The following SHC3 variants were observed in gnomAD, a reference collection of about 807,000 sequenced individuals.
The protein encoded by SHC3 is SHC adaptor protein 3, also known as SHC-transforming protein 3.
In SHC3, 15 loss-of-function variants were observed where a neutral mutation model predicts 60.4. That is an observed-to-expected ratio of 0.25 (90% CI 0.17 to 0.38). The LOEUF (loss-of-function observed/expected upper bound fraction) is 0.38, where lower values mean the gene tolerates loss of function less well. Among genes scored for constraint, SHC3 ranks in the 10% least tolerant of loss-of-function variants. The pLI, the probability that SHC3 is intolerant of heterozygous loss-of-function variation, is 1.00. For synonymous variants in SHC3, 294 were observed against 325.9 expected (o/e 0.90, Z 1.05); for missense variants, 677 against 786.1 (o/e 0.86, Z 1.66).
At chr9:89,045,224 G>A (rs1214782538) in intron 9 of SHC3, among the ~76,000 whole-genome samples, 1 of 151,836 alleles carries the variant, frequency 6.6e-6, no homozygotes, top group African/African-American at 2.4e-5. Context: ...AATGGTCCTG[G>A]AGCTGCAGGG....
At chr9:89,128,371 G>A (rs1027376627) in intron 1 of SHC3, among the ~76,000 whole-genome samples, 3 of 152,086 alleles carry the variant, frequency 2.0e-5, no homozygotes, top group Admixed American at 6.6e-5. Context: ...AGACCTAAAC[G>A]TCCCTGTCTG....
intron 2 of SHC3, among the ~76,000 whole-genome samples, chr9:89,096,150 G>T (rs556495140): frequency 6.6e-6 from 1 of 152,194 alleles, no homozygotes. Context: ...CGTTGAATAC[G>T]CATGAGAGAG....
intron 11 of SHC3, chr9:89,037,513 T>C (rs1350902039): frequency 2.8e-6 from 2 of 716,734 alleles, no homozygotes; most frequent in Admixed American, 2.0e-5. Flanking sequence ...CCAACATCAG[T>C]AGGAGTTACT....
Position 89,005,949 on chromosome 9 carries a change from G to A in SHC3, c.*7498C>T, listed in dbSNP as rs1680590905. The A allele has an allele frequency of 6.6e-6, 1 of 152,202 alleles. No homozygotes were observed. Among genetic ancestry groups the A allele is most frequent in the African/African-American group, 2.4e-5 (1 of 41,436 alleles). The allele number at this position is 152,202 out of a possible 1,614,324, so 9.4% of individuals were successfully genotyped here. ...TAGAAAACATCTAATTAAATCACCAGTTTCATGCTTTTAAGTTGTATCTAC... is the reference window on the plus strand; with the variant it reads ...TAGAAAACATCTAATTAAATCACCAATTTCATGCTTTTAAGTTGTATCTAC... On this transcript the variant is annotated 3_prime_UTR_variant, in exon 12 of 12. Transcript: ENST00000375835.
Position 89,046,932 on chromosome 9 carries a change from T to C in SHC3, c.1025A>G (p.Tyr342Cys). The C allele has an allele frequency of 6.2e-7, 1 of 1,611,662 alleles. No individual in the cohort carries two copies. The highest frequency in any genetic ancestry group is 8.5e-7 in the Non-Finnish European group (1 of 1,179,002). Residue 342 changes from tyrosine to cysteine, a missense_variant, in exon 8 of 12, where the codon TAC becomes TGC. Physicochemically the swap from Tyr to Cys is radical, Grantham distance 194. Coordinates refer to ENST00000375835, the MANE Select transcript of SHC3 (RefSeq NM_016848.6). ...AGGCATCTTGCTTGGGATGCTGTTG[T>C]AGTATGGGTGGTCTGAGCCATCTCC... ...EEGDGSDHPYYNSIPSKMPPP... is the reference protein window; with the variant it reads ...EEGDGSDHPYCNSIPSKMPPP...
At chr9:89,147,358 C>A (rs1304938628) in intron 1 of SHC3, among the ~76,000 whole-genome samples, 1 of 152,146 alleles carries the variant, frequency 6.6e-6, no homozygotes, top group Non-Finnish European at 1.5e-5. Flanking sequence ...AAATAACCAG[C>A]CTGGCTTCAC....
intron 6 of SHC3, among the ~76,000 whole-genome samples, chr9:89,064,513 G>T (rs1825144244): frequency 6.6e-6 from 1 of 152,152 alleles, no homozygotes; most frequent in East Asian, 1.9e-4. Context: ...TCAGGATCTG[G>T]ACCTAAGCCT....
chr9:89,094,774 C>T (rs1024306130), intron 2 of SHC3, among the ~76,000 whole-genome samples: 2 of 152,066 alleles, frequency 1.3e-5, no homozygotes, highest in Non-Finnish European at 2.9e-5. Context: ...ATTACAGTCA[C>T]GAGCAAACAC....
intron 1 of SHC3, among the ~76,000 whole-genome samples, chr9:89,114,865 T>A (rs1825999675): frequency 6.6e-6 from 1 of 152,140 alleles, no homozygotes; most frequent in South Asian, 2.1e-4. Flanking sequence ...TGCAGTTATG[T>A]GAATATAATC....
intron 6 of SHC3, among the ~76,000 whole-genome samples, chr9:89,054,871 GA>G (rs1384312445): frequency 6.6e-6 from 1 of 152,200 alleles, no homozygotes; most frequent in African/African-American, 2.4e-5. Context: ...ATCCTTTGCT[GA>G]CACTGGTTTC....
chr9:89,052,675 C>T (rs1446952533), intron 6 of SHC3, among the ~76,000 whole-genome samples: 1 of 152,094 alleles, frequency 6.6e-6, no homozygotes, highest in Non-Finnish European at 1.5e-5. Context: ...TGTTGATCAC[C>T]ATATGTGGCC....
intron 2 of SHC3, among the ~76,000 whole-genome samples, chr9:89,080,499 C>CT (rs113582376): frequency 0.024 from 3,699 of 152,162 alleles, 69 homozygotes; most frequent in Middle Eastern, 0.068. Flanking sequence ...ATCCATCTCA[C>CT]TACAGCCCAT....
intron 2 of SHC3, among the ~76,000 whole-genome samples, chr9:89,098,609 G>A (rs1825738778): frequency 1.3e-5 from 2 of 152,192 alleles, no homozygotes; most frequent in South Asian, 4.1e-4. Context: ...AGGAGATCGA[G>A]ACCATCCTGG....
At chr9:89,028,723 GAATAT>G (rs948022751) in intron 11 of SHC3, among the ~76,000 whole-genome samples, 1 of 141,750 alleles carries the variant, frequency 7.1e-6, no homozygotes, top group Admixed American at 7.1e-5. Context: ...TCTATATAGA[GAATAT>G]ATATTCTCTA....
chr9:89,090,548 G>C (rs1432560842), intron 2 of SHC3, among the ~76,000 whole-genome samples: 3 of 152,206 alleles, frequency 2.0e-5, no homozygotes. Flanking sequence ...GGTATGGGAG[G>C]CTTCCCCCAG....
rs369366787 is a variant in SHC3, at chr9:89,161,141, G to T, written c.474+16846C>A. On this transcript the variant is annotated intron_variant, in intron 1 of 11. Transcript: ENST00000375835. ...CTGGTCCCCACCCAAATCTCATGTT[G>T]AAATATAATCCCCATGTTGGAGGTG... Among the ~76,000 whole-genome samples the T allele has an allele frequency of 1.4e-4, 21 of 152,242 alleles. No homozygotes were observed. In the East Asian group the frequency reaches 3.7e-3, roughly 27 times the overall value.
intron 2 of SHC3, among the ~76,000 whole-genome samples, chr9:89,110,797 G>A (rs1293761713): frequency 6.6e-6 from 1 of 152,252 alleles, no homozygotes; most frequent in East Asian, 1.9e-4. Context: ...CCATTATGCT[G>A]CTTCACCTTC....
chr9:89,150,338 C>A (rs1212738119), intron 1 of SHC3, among the ~76,000 whole-genome samples: 1 of 151,898 alleles, frequency 6.6e-6, no homozygotes, highest in Non-Finnish European at 1.5e-5. Context: ...CAAAAAAAAA[C>A]CCATACCCCT....
chr9:89,103,553 G>A (rs748256465), intron 2 of SHC3, among the ~76,000 whole-genome samples: 21 of 152,254 alleles, frequency 1.4e-4, no homozygotes, highest in African/African-American at 3.1e-4. Context: ...GAGAAAATCC[G>A]GATGTGGAGA....
Sources: allele counts gnomAD v4.1 joint callset (sites outside exome capture counted in the v4.1 genomes callset), GRCh38; gene constraint gnomAD v4.1.1; transcripts MANE v1.5; gene names NCBI Gene and HGNC (gene_info 2026-07-23, HGNC 2026-07-21).